The following NLGN1 variants were observed in gnomAD, a reference collection of about 807,000 sequenced individuals.
The protein encoded by NLGN1 is neuroligin 1, also known as neuroligin-1.
In NLGN1, 12 loss-of-function variants were observed where a neutral mutation model predicts 65.5. That is an observed-to-expected ratio of 0.18 (90% CI 0.12 to 0.30). The LOEUF is 0.30. Among genes scored for constraint, NLGN1 ranks in the 10% least tolerant of loss-of-function variants. The pLI, the probability that NLGN1 is intolerant of heterozygous loss-of-function variation, is 1.00. For missense variants in NLGN1, 750 were observed against 1,007.1 expected (o/e 0.74, Z 3.46); for synonymous variants, 350 against 359.5 (o/e 0.97, Z 0.30).
intron 3 of NLGN1, among the ~76,000 whole-genome samples, chr3:173,612,612 A>G (rs1752476707): frequency 6.6e-6 from 1 of 152,002 alleles, no homozygotes. Context: ...GTCTTCTTAC[A>G]CAGGTGCTGG....
At chr3:174,066,633 C>T (rs1738677341) in intron 4 of NLGN1, among the ~76,000 whole-genome samples, 1 of 149,654 alleles carries the variant, frequency 6.7e-6, no homozygotes, top group South Asian at 2.1e-4. Flanking sequence ...GATAGTTCCA[C>T]TGTAGTGAAG....
intron 3 of NLGN1, among the ~76,000 whole-genome samples, chr3:173,667,201 A>C (rs1196478237): frequency 1.3e-5 from 2 of 151,074 alleles, no homozygotes; most frequent in African/African-American, 4.9e-5. Context: ...TTTCCATTTT[A>C]ATTTTTCAAA....
chr3:173,732,962 C>G (rs1773100572), intron 3 of NLGN1, among the ~76,000 whole-genome samples: 1 of 151,684 alleles, frequency 6.6e-6, no homozygotes, highest in Non-Finnish European at 1.5e-5. Context: ...GGTGATGAAC[C>G]ACAGAAATAT....
chr3:173,774,033 C>T (rs1779954133), intron 3 of NLGN1, among the ~76,000 whole-genome samples: 1 of 152,128 alleles, frequency 6.6e-6, no homozygotes, highest in African/African-American at 2.4e-5. Context: ...GACAGTGTTG[C>T]CAGAAGACAG....
intron 4 of NLGN1, among the ~76,000 whole-genome samples, chr3:173,877,625 T>C (rs1222483743): frequency 2.0e-5 from 3 of 152,174 alleles, no homozygotes; most frequent in African/African-American, 7.2e-5. Flanking sequence ...AAAGGGAACC[T>C]GGGTGAAGGG....
intron 2 of NLGN1, among the ~76,000 whole-genome samples, chr3:173,485,873 T>G (rs1298304203): frequency 6.6e-6 from 1 of 152,192 alleles, no homozygotes; most frequent in Non-Finnish European, 1.5e-5. Context: ...TTATATATTT[T>G]TCTGACATTA....
chr3:173,522,564 G>C (rs1734938950), intron 2 of NLGN1, among the ~76,000 whole-genome samples: 1 of 151,816 alleles, frequency 6.6e-6, no homozygotes, highest in South Asian at 2.1e-4. Context: ...CCAAGTAGCT[G>C]GAACTACAGG....
At chr3:173,544,509 G>A (rs761294785) in intron 2 of NLGN1, among the ~76,000 whole-genome samples, 12 of 152,038 alleles carry the variant, frequency 7.9e-5, no homozygotes, top group Non-Finnish European at 1.5e-4. Context: ...CTATGTAGCC[G>A]TATAGTGGCT....
rs553794543 is a variant in NLGN1, at chr3:173,492,947, A to T, written c.-321+57869A>T. ...ATCCTGGGTAGAAGGAATTTTCTGG[A>T]TATTCGAGTCTATCCTCTAGCTCCA... On this transcript the variant is annotated intron_variant, in intron 2 of 6. Coordinates refer to ENST00000457714, the Ensembl canonical transcript of NLGN1. Among the ~76,000 whole-genome samples, 16 of 151,884 alleles carry T rather than the reference A, an allele frequency of 1.1e-4. 1 individual carries two copies. Among genetic ancestry groups the T allele is most frequent in the African/African-American group, 3.9e-4 (16 of 41,234 alleles).
At chr3:173,958,154 C>T (rs1712581932) in intron 4 of NLGN1, among the ~76,000 whole-genome samples, 1 of 152,222 alleles carries the variant, frequency 6.6e-6, no homozygotes, top group Admixed American at 6.5e-5. Flanking sequence ...GCTTTTCTCT[C>T]CTTTCCTTCT....
intron 3 of NLGN1, among the ~76,000 whole-genome samples, chr3:173,782,994 A>C (rs972467529): frequency 1.0e-5 from 1 of 98,868 alleles, no homozygotes; most frequent in Non-Finnish European, 2.2e-5. Context: ...GCTGTCTTTT[A>C]AGAAAGAGAG....
At chr3:173,654,035 C>T (rs1419609741) in intron 3 of NLGN1, among the ~76,000 whole-genome samples, 3 of 152,146 alleles carry the variant, frequency 2.0e-5, no homozygotes, top group Non-Finnish European at 4.4e-5. Flanking sequence ...AATAGAATCA[C>T]CCAGCTGATG....
At chr3:174,121,621 A>C (rs1420099766) in intron 4 of NLGN1, among the ~76,000 whole-genome samples, 1 of 152,200 alleles carries the variant, frequency 6.6e-6, no homozygotes, top group African/African-American at 2.4e-5. Context: ...ATGGGCATAC[A>C]ATTTCATTTG....
At chr3:174,212,314 C>G (rs1415937042) in intron 4 of NLGN1, among the ~76,000 whole-genome samples, 2 of 152,238 alleles carry the variant, frequency 1.3e-5, no homozygotes, top group Non-Finnish European at 2.9e-5. Flanking sequence ...AGCTGGCCCG[C>G]AAGCGCCGTG....
chr3:173,732,376 C>G (rs1420921445), intron 3 of NLGN1, among the ~76,000 whole-genome samples: 2 of 152,150 alleles, frequency 1.3e-5, no homozygotes, highest in African/African-American at 4.8e-5. Context: ...GATGCTTTAG[C>G]CATGACTTGG....
chr3:174,241,126 A>AT lies in NLGN1; in HGVS notation c.647-34184dup, dbSNP rs1391441054. On this transcript the variant is annotated intron_variant, in intron 4 of 6. Coordinates refer to ENST00000457714, the Ensembl canonical transcript of NLGN1. ...AGTTTAAAATAGCTTTGAACCCTAC[A>AT]TTTTTATTTATTTCCCTACTAGAAA... Among the ~76,000 whole-genome samples, 11 of 152,190 alleles carry AT rather than the reference A, an allele frequency of 7.2e-5. No homozygotes were observed. The South Asian group carries it at 2.3e-3, about 32-fold the overall frequency.
intron 1 of NLGN1, among the ~76,000 whole-genome samples, chr3:173,416,515 GCTTT>G (rs1466234721): frequency 1.3e-5 from 2 of 152,058 alleles, no homozygotes; most frequent in Non-Finnish European, 2.9e-5. Flanking sequence ...TATTTCTTTT[GCTTT>G]CTATTTTCTA....
At chr3:174,290,288 A>G (rs76694063), downstream of NLGN1, among the ~76,000 whole-genome samples, 275 of 151,112 alleles carry the variant, frequency 1.8e-3, 7 homozygotes, top group East Asian at 0.032. Flanking sequence ...GAGACAGACC[A>G]GTGTAGGATA....
Position 173,703,127 on chromosome 3 carries a change from G to A in NLGN1, c.493+98036G>A, listed in dbSNP as rs562555570. 3.3e-5 allele frequency among the ~76,000 whole-genome samples: 5 copies of A among 150,022 alleles called. No homozygotes were observed. In the South Asian group the frequency reaches 6.3e-4, roughly 19 times the overall value. Reference sequence around the variant, plus strand: ...AAACACTACCAATAACTTCAACCTTGGTCTTTCACACAGCTGTGGTGTAGA... The same window carrying A: ...AAACACTACCAATAACTTCAACCTTAGTCTTTCACACAGCTGTGGTGTAGA... On this transcript the variant is annotated intron_variant, in intron 3 of 6. Transcript: ENST00000457714.
Sources: allele counts gnomAD v4.1 joint callset (sites outside exome capture counted in the v4.1 genomes callset), GRCh38; gene constraint gnomAD v4.1.1; transcripts MANE v1.5; gene names NCBI Gene and HGNC (gene_info 2026-07-23, HGNC 2026-07-21).